Variants in DUSP29 observed in about 807,000 individuals in gnomAD.
DUSP29 encodes dual specificity phosphatase 29.
In DUSP29, 12 loss-of-function variants were observed where a neutral mutation model predicts 13.5. That is an observed-to-expected ratio of 0.89 (90% CI 0.57 to 1.44). The LOEUF is 1.44. DUSP29 is among the 40% of genes most tolerant of loss of function. DUSP29 has a pLI of 0.00. For missense variants in DUSP29, 308 were observed against 301.1 expected, an observed-to-expected ratio of 1.02 and a Z score of -0.17; for synonymous variants, 134 against 128.7, an observed-to-expected ratio of 1.04 and a Z score of -0.28.
intron 3 of DUSP29, among the ~76,000 whole-genome samples, 177 bp downstream of exon 3, chr10:75,043,620 G>C (rs1263684724): frequency 1.3e-5 from 2 of 152,166 alleles, no homozygotes; most frequent in African/African-American, 4.8e-5. Flanking sequence ...GATTTCGCAC[G>C]CGCACATCCC....
chr10:75,069,504 G>A (rs756079390), intron 1 of DUSP29, among the ~76,000 whole-genome samples: 14 of 152,180 alleles, frequency 9.2e-5, no homozygotes, highest in Non-Finnish European at 1.6e-4. Context: ...GACTCCGCAG[G>A]TGCAGCCCTC....
At chr10:75,058,165 C>T in intron 2 of DUSP29, 150 bp downstream of exon 2, 1 of 896,532 alleles carries the variant, frequency 1.1e-6, no homozygotes, top group South Asian at 1.8e-5. Flanking sequence ...TTTAGGTTTT[C>T]TGTAATGTGA....
chr10:75,039,977 G>A (rs939922531), intron 3 of DUSP29, among the ~76,000 whole-genome samples: 10 of 152,026 alleles, frequency 6.6e-5, no homozygotes, highest in African/African-American at 1.9e-4. Context: ...GCCAGGAATT[G>A]GAGACCAGAC....
At chr10:75,038,958 GC>G (rs1564637850) in intron 3 of DUSP29, among the ~76,000 whole-genome samples, 1 of 152,144 alleles carries the variant, frequency 6.6e-6, no homozygotes, top group African/African-American at 2.4e-5. Context: ...GAGGAGTCAG[GC>G]CTATTGAGAA....
intron 2 of DUSP29, among the ~76,000 whole-genome samples, chr10:75,046,187 C>G (rs763426334): frequency 6.6e-6 from 1 of 151,916 alleles, no homozygotes; most frequent in Non-Finnish European, 1.5e-5. Flanking sequence ...ATCCTGGATG[C>G]TAGGATCTGT....
chr10:75,059,886 C>T lies in DUSP29; in HGVS notation c.-34-1338G>A, dbSNP rs540003446. Among the ~76,000 whole-genome samples, 54 of 152,272 alleles carry T rather than the reference C, an allele frequency of 3.5e-4. 1 individual carries two copies. The South Asian group carries it at 0.011, about 30-fold the overall frequency. On this transcript the variant is annotated intron_variant, in intron 1 of 3. Transcript: ENST00000338487. Reference sequence around the variant, plus strand: ...TCATAATAATACTGAAGGCCAGGCGCGGTGGCTCATGCCTGTAATCCCAGC... The same window carrying T: ...TCATAATAATACTGAAGGCCAGGCGTGGTGGCTCATGCCTGTAATCCCAGC...
chr10:75,067,006 G>A (rs1446816950), intron 1 of DUSP29, among the ~76,000 whole-genome samples: 1 of 141,334 alleles, frequency 7.1e-6, no homozygotes, highest in Non-Finnish European at 1.5e-5. Flanking sequence ...CGCTCAGGCT[G>A]GAGTGCAGTG....
chr10:75,066,958 C>CTTTTTCT (rs1847217011), intron 1 of DUSP29, among the ~76,000 whole-genome samples: 1 of 139,590 alleles, frequency 7.2e-6, no homozygotes, highest in East Asian at 2.1e-4. Context: ...TTTTCTTTTT[C>CTTTTTCT]TTTTTTTTTT....
intron 1 of DUSP29, among the ~76,000 whole-genome samples, chr10:75,068,143 C>T (rs1029132411): frequency 1.3e-5 from 2 of 152,082 alleles, no homozygotes; most frequent in African/African-American, 2.4e-5. Context: ...AAATTATATA[C>T]ATATAACAGA....
At chr10:75,071,453 C>T (rs888828033) in intron 1 of DUSP29, among the ~76,000 whole-genome samples, 2 of 152,206 alleles carry the variant, frequency 1.3e-5, no homozygotes, top group Non-Finnish European at 2.9e-5. Flanking sequence ...CAGGGCCTCC[C>T]CTAAGCCCCT....
At chr10:75,051,468 A>G (rs1020678535) in intron 2 of DUSP29, among the ~76,000 whole-genome samples, 1 of 152,248 alleles carries the variant, frequency 6.6e-6, no homozygotes, top group African/African-American at 2.4e-5. Context: ...GACCCAGAGC[A>G]GATGCTTGGC....
In DUSP29 at chr10:75,039,172, T is replaced by G. The variant is rs114470294; in HGVS notation, c.422-1095A>C. Among the ~76,000 whole-genome samples the G allele has an allele frequency of 5.0e-3, 754 of 152,244 alleles. 7 individuals carry two copies. The highest frequency in any genetic ancestry group is 0.017 in the African/African-American group (719 of 41,536). Reference sequence around the variant, plus strand: ...GTGGGAGAGATCAGCGCCCCTCTCATGCTTGGAGATACTTTTCTTCATGAC... The same window carrying G: ...GTGGGAGAGATCAGCGCCCCTCTCAGGCTTGGAGATACTTTTCTTCATGAC... On this transcript the variant is annotated intron_variant, in intron 3 of 3. Coordinates refer to ENST00000338487, the MANE Select transcript of DUSP29 (RefSeq NM_001003892.3).
intron 1 of DUSP29, among the ~76,000 whole-genome samples, chr10:75,069,266 A>G (rs1287304932): frequency 6.6e-6 from 1 of 152,138 alleles, no homozygotes; most frequent in African/African-American, 2.4e-5. Context: ...TTCTCAGACA[A>G]GGGAGCCGGC....
chr10:75,051,756 G>A (rs538583185), intron 2 of DUSP29, among the ~76,000 whole-genome samples: 52 of 152,378 alleles, frequency 3.4e-4, no homozygotes, highest in African/African-American at 1.1e-3. Context: ...TTGTGCATGA[G>A]GAACCAGCTT....
chr10:75,055,963 G>A (rs1846950365), intron 2 of DUSP29, among the ~76,000 whole-genome samples: 1 of 152,118 alleles, frequency 6.6e-6, no homozygotes, highest in Admixed American at 6.5e-5. Context: ...AGGCTAAAGT[G>A]CAGTGGCACA....
At chr10:75,052,153 C>T (rs758045813) in intron 2 of DUSP29, among the ~76,000 whole-genome samples, 1 of 152,076 alleles carries the variant, frequency 6.6e-6, no homozygotes, top group Non-Finnish European at 1.5e-5. Context: ...GTCTAGCACT[C>T]GATTAACTAG....
In DUSP29 at chr10:75,066,325, T is replaced by C. The variant is rs1269844471; in HGVS notation, c.-35+7244A>G. Among the ~76,000 whole-genome samples the C allele has an allele frequency of 2.6e-5, 4 of 151,716 alleles. No homozygotes were observed. In the South Asian group the frequency reaches 8.4e-4, roughly 32 times the overall value. ...CCCCATAGCTGTGGCAGCCCTCTCATTGGGACCCTAACCCTTCAACAGAAT... is the reference window on the plus strand; with the variant it reads ...CCCCATAGCTGTGGCAGCCCTCTCACTGGGACCCTAACCCTTCAACAGAAT... On this transcript the variant is annotated intron_variant, in intron 1 of 3. Coordinates refer to ENST00000338487, the MANE Select transcript of DUSP29 (RefSeq NM_001003892.3).
At chr10:75,046,517 C>G (rs2134285453) in intron 2 of DUSP29, among the ~76,000 whole-genome samples, 1 of 152,342 alleles carries the variant, frequency 6.6e-6, no homozygotes, top group East Asian at 1.9e-4. Flanking sequence ...GCTTGTCTTT[C>G]ATTGGTTTCC....
In DUSP29 at chr10:75,043,849, G is replaced by A. The variant is rs139241929; in HGVS notation, c.369C>T (p.Val123=). 5.0e-6 allele frequency: 8 copies of A among 1,613,992 alleles called. No homozygotes were observed. The African/African-American group carries it at 5.3e-5, about 11-fold the overall frequency. ...ADDLPTFDLS[V]FFYPAAAFID... is the part of the protein sequence containing the mutation. ...TGAAGGCTGCCGCCGGGTAGAAGAA[G>A]ACACTGAGGTCGAAGGTGGGCAGGT... The change falls in exon 3 of 4, where the codon GTC becomes GTT. Residue 123 remains valine, a synonymous_variant. Coordinates refer to ENST00000338487, the MANE Select transcript of DUSP29 (RefSeq NM_001003892.3).
Sources: gnomAD v4.1 joint callset for allele counts (sites outside exome capture counted in the v4.1 genomes callset) on GRCh38, gnomAD v4.1.1 for gene constraint, MANE v1.5 for transcripts, NCBI Gene and HGNC (gene_info 2026-07-23, HGNC 2026-07-21) for gene names.